The following SEC63 variants were observed in gnomAD, a reference collection of about 807,000 sequenced individuals.
The protein encoded by SEC63 is translocation protein SEC63 homolog.
Under a neutral mutation model 116.2 loss-of-function variants are expected in SEC63, and 56 were observed. That is an observed-to-expected ratio of 0.48 (90% CI 0.39 to 0.60). The LOEUF (loss-of-function observed/expected upper bound fraction) is 0.60, where lower values mean the gene tolerates loss of function less well. Ranked by LOEUF, SEC63 falls within the 20% of genes least tolerant of loss-of-function variation. The pLI, the probability that SEC63 is intolerant of heterozygous loss-of-function variation, is 0.00. For synonymous variants in SEC63, 273 were observed against 294.6 expected, an observed-to-expected ratio of 0.93 and a Z score of 0.75; for missense variants, 668 against 900.0, an observed-to-expected ratio of 0.74 and a Z score of 3.30.
intron 1 of SEC63, among the ~76,000 whole-genome samples, chr6:107,941,081 A>G (rs1306908293): frequency 2.0e-5 from 3 of 152,184 alleles, no homozygotes; most frequent in Non-Finnish European, 2.9e-5. Context: ...ACATACAAGG[A>G]TGTATGTCCC....
intron 1 of SEC63, among the ~76,000 whole-genome samples, chr6:107,940,191 A>C (rs76867567): frequency 4.0e-5 from 6 of 151,788 alleles, no homozygotes; most frequent in Non-Finnish European, 8.8e-5. Context: ...AAAAAAAAAA[A>C]CAAACACTGG....
chr6:107,871,897 G>A (rs1786143188), intron 20 of SEC63, 50 bp from the exon 21 acceptor site: 1 of 1,590,548 alleles, frequency 6.3e-7, no homozygotes, highest in South Asian at 1.1e-5. Flanking sequence ...GAGAAATAAT[G>A]GAAGAAATCT....
At chr6:107,895,273 G>T (rs891820880) in intron 14 of SEC63, among the ~76,000 whole-genome samples, 1 of 152,098 alleles carries the variant, frequency 6.6e-6, no homozygotes, top group African/African-American at 2.4e-5. Flanking sequence ...TCTAGATTTG[G>T]ATTCTAAACC....
chr6:107,881,934 TG>T (rs1355728091), intron 17 of SEC63, among the ~76,000 whole-genome samples: 1 of 152,202 alleles, frequency 6.6e-6, no homozygotes, highest in Non-Finnish European at 1.5e-5. Flanking sequence ...TTTGGTCATA[TG>T]AAGAAATTAG....
Position 107,958,160 on chromosome 6 carries a change from C to A in SEC63, c.-151G>T. On this transcript the variant is annotated 5_prime_UTR_variant, in exon 1 of 21. Transcript: ENST00000369002. ...CCCCCACGCCACTCTCACGGACACG[C>A]CGCCGCCACCTCTGCCGCTGCCGCC... 1 of 1,210,536 alleles carries A rather than the reference C, an allele frequency of 8.3e-7. No homozygotes were observed. Among genetic ancestry groups the A allele is most frequent in the East Asian group, 2.5e-5 (1 of 39,900 alleles). The allele number at this position is 1,210,536 out of a possible 1,614,324, so 75.0% of individuals were successfully genotyped here. A position where few individuals can be genotyped will look rare whatever the true frequency, so the allele number is the denominator to read the frequency against.
intron 1 of SEC63, among the ~76,000 whole-genome samples, chr6:107,948,675 T>C (rs562392881): frequency 6.6e-6 from 1 of 152,240 alleles, no homozygotes; most frequent in East Asian, 1.9e-4. Context: ...CCTCAAGGTC[T>C]CTCTGACTTT....
intron 1 of SEC63, among the ~76,000 whole-genome samples, chr6:107,934,686 T>C (rs1222123988): frequency 1.6e-3 from 89 of 56,160 alleles, no homozygotes; most frequent in African/African-American, 4.4e-3. Context: ...GTCAGCCCCC[T>C]GCCCGGCCAG....
At chr6:107,894,373 T>C (rs571163034) in intron 14 of SEC63, among the ~76,000 whole-genome samples, 9 of 152,240 alleles carry the variant, frequency 5.9e-5, no homozygotes, top group African/African-American at 1.9e-4. Context: ...GACCTGAGAC[T>C]AAGAACTGAA....
Position 107,921,903 on chromosome 6 carries a change from T to C in SEC63, c.346A>G (p.Thr116Ala). Residue 116 changes from threonine (T) to alanine (A), a missense_variant, in exon 4 of 21, where the codon ACA becomes GCA. Around this residue, in one of 5 missense-constraint regions of SEC63, gnomAD observed 142 missense variants for 169.5 expected, o/e 0.84. Transcript: ENST00000369002. ...TATTGTTTTTTAATTTCTGCTACTG[T>C]GGCTCCCTGGGGAAAAACAAAAAAA... ...YEVLNLDPGA[T>A]VAEIKKQYRL... 6.6e-7 allele frequency: 1 copy of C among 1,524,146 alleles called. No individual in the cohort carries two copies. Among genetic ancestry groups the C allele is most frequent in the Non-Finnish European group, 8.9e-7 (1 of 1,126,674 alleles). The allele number at this position is 1,524,146 out of a possible 1,614,324, so 94.4% of individuals were successfully genotyped here.
At chr6:107,912,871 C>G (rs1583750995) in intron 5 of SEC63, 97 bp from the exon 6 acceptor site, 1 of 899,042 alleles carries the variant, frequency 1.1e-6, no homozygotes, top group East Asian at 2.6e-5. Flanking sequence ...TCCCAGAACT[C>G]TCCCCCACAA....
rs895278711 is a variant in SEC63, at chr6:107,868,925, T to A, written c.*2779A>T. On this transcript the variant is annotated 3_prime_UTR_variant, in exon 21 of 21. Transcript: ENST00000369002. Reference sequence around the variant, plus strand: ...GAATTGTGACTACAGAACACTCTAGTATATGGTTTGGATTGGCTGAAGCAA... The same window carrying A: ...GAATTGTGACTACAGAACACTCTAGAATATGGTTTGGATTGGCTGAAGCAA... 4 of 152,278 alleles carry A rather than the reference T, an allele frequency of 2.6e-5. No individual in the cohort carries two copies. Among genetic ancestry groups the A allele is most frequent in the African/African-American group, 9.6e-5 (4 of 41,566 alleles). 9.4% of individuals were successfully genotyped at this position (152,278 alleles called of 1,614,324 possible). A position where few individuals can be genotyped will look rare whatever the true frequency, so the allele number is the denominator to read the frequency against.
At chr6:107,900,333 A>G (rs1156813329) in intron 13 of SEC63, among the ~76,000 whole-genome samples, 1 of 152,004 alleles carries the variant, frequency 6.6e-6, no homozygotes, top group East Asian at 1.9e-4. Flanking sequence ...TGCTTCAACT[A>G]GACAATAAGC....
chr6:107,906,338 A>C, intron 10 of SEC63, 110 bp downstream of exon 10: 1 of 1,150,998 alleles, frequency 8.7e-7, no homozygotes, highest in Non-Finnish European at 1.3e-6. Flanking sequence ...ACCCAGCCTC[A>C]GGTATTTCTT....
chr6:107,934,695 AG>A, intron 1 of SEC63, among the ~76,000 whole-genome samples: 1 of 50,712 alleles, frequency 2.0e-5, no homozygotes, highest in Admixed American at 1.9e-4. Flanking sequence ...CTGCCCGGCC[AG>A]CCGCCCCGTC....
chr6:107,915,995 A>G (rs1175340877), intron 4 of SEC63, among the ~76,000 whole-genome samples: 1 of 152,214 alleles, frequency 6.6e-6, no homozygotes, highest in Non-Finnish European at 1.5e-5. Context: ...AGTTAAAACT[A>G]AACACCTTAT....
At chr6:107,909,995 A>G (rs1414192891) in intron 7 of SEC63, among the ~76,000 whole-genome samples, 1 of 152,212 alleles carries the variant, frequency 6.6e-6, no homozygotes. Flanking sequence ...TTAAGCAAAA[A>G]AACAGAATAA....
intron 1 of SEC63, among the ~76,000 whole-genome samples, chr6:107,930,556 G>A (rs1208691051): frequency 1.3e-5 from 2 of 151,500 alleles, no homozygotes; most frequent in East Asian, 1.9e-4. Flanking sequence ...GCAGTGAGCC[G>A]AGATCATGCC....
rs564667481 is a variant in SEC63, at chr6:107,910,282, G to A, written c.624+1064C>T. 4.6e-5 allele frequency among the ~76,000 whole-genome samples: 7 copies of A among 152,092 alleles called. No individual in the cohort carries two copies. In the South Asian group the frequency reaches 1.2e-3, roughly 27 times the overall value. On this transcript the variant is annotated intron_variant, in intron 7 of 20. Coordinates refer to ENST00000369002, the MANE Select transcript of SEC63 (RefSeq NM_007214.5). ...GGAGTTTAAGACCAGCCTGGGCAACGTGGCAAGACCCCATCTCTACAAAAA... is the reference window on the plus strand; with the variant it reads ...GGAGTTTAAGACCAGCCTGGGCAACATGGCAAGACCCCATCTCTACAAAAA...
chr6:107,931,647 G>A (rs914104240), intron 1 of SEC63, among the ~76,000 whole-genome samples: 1 of 151,604 alleles, frequency 6.6e-6, no homozygotes, highest in Admixed American at 6.6e-5. Flanking sequence ...TACTCGGGAG[G>A]CTGAGGCAGC....
Sources: allele counts gnomAD v4.1 joint callset (sites outside exome capture counted in the v4.1 genomes callset), GRCh38; gene constraint gnomAD v4.1.1; regional missense constraint gnomAD v4.1.1; transcripts MANE v1.5; gene names NCBI Gene and HGNC (gene_info 2026-07-23, HGNC 2026-07-21).